FGGY: variants seen among roughly 807,000 people sequenced by gnomAD.
The protein encoded by FGGY is FGGY carbohydrate kinase domain-containing protein.
FGGY carries 72 observed loss-of-function variants against 71.3 expected under a neutral mutation model. That is an observed-to-expected ratio of 1.01 (90% CI 0.84 to 1.23). The LOEUF is 1.23. Among genes scored for constraint, FGGY ranks in the 50% most tolerant of loss-of-function variants. The pLI, the probability that FGGY is intolerant of heterozygous loss-of-function variation, is 0.00. For synonymous variants in FGGY, 251 were observed against 250.3 expected (o/e 1.00, Z -0.02); for missense variants, 668 against 682.3 (o/e 0.98, Z 0.23).
intron 5 of FGGY, among the ~76,000 whole-genome samples, chr1:59,452,902 A>G (rs1306966586): frequency 2.0e-5 from 3 of 152,314 alleles, no homozygotes; most frequent in Non-Finnish European, 4.4e-5. Flanking sequence ...GGGGGTGACT[A>G]GTAGGTACAG....
intron 7 of FGGY, among the ~76,000 whole-genome samples, chr1:59,516,052 C>T (rs1440947629): frequency 6.6e-6 from 1 of 151,794 alleles, no homozygotes; most frequent in Non-Finnish European, 1.5e-5. Context: ...TACAGACTTA[C>T]TTAATATATG....
chr1:59,625,960 A>C (rs773927051), intron 9 of FGGY, 28 bp from the exon 10 acceptor site: 19 of 1,568,152 alleles, frequency 1.2e-5, no homozygotes, highest in Non-Finnish European at 1.6e-5. Context: ...AGAAGCTATA[A>C]AATTGACCCA....
At position 59,615,739 on chromosome 1, in the gene FGGY, T is replaced by C. The variant is rs1265488824; in HGVS notation, c.1011+7829T>C. Among the ~76,000 whole-genome samples the C allele has an allele frequency of 6.7e-4, 102 of 152,140 alleles. 1 individual carries two copies. Among genetic ancestry groups the C allele is most frequent in the Non-Finnish European group, 1.2e-4 (8 of 67,982 alleles). The stretch of plus-strand genomic sequence containing the variant: ...ACAGAATGGGAGAAAATTTTTGCAA[T>C]CTACTCATCTGACAAAGGGCTAATA... On this transcript the variant is annotated intron_variant, in intron 9 of 15. Transcript: ENST00000303721.
intron 11 of FGGY, among the ~76,000 whole-genome samples, chr1:59,659,947 T>C (rs1429326799): frequency 2.0e-5 from 3 of 152,206 alleles, no homozygotes; most frequent in African/African-American, 7.2e-5. Context: ...TTAATTATCG[T>C]CTAAGAAATA....
intron 14 of FGGY, among the ~76,000 whole-genome samples, chr1:59,702,008 T>C (rs536942980): frequency 1.4e-4 from 22 of 152,288 alleles, no homozygotes; most frequent in African/African-American, 4.6e-4. Context: ...ACTGACTCAC[T>C]GTTCTGCATG....
intron 6 of FGGY, among the ~76,000 whole-genome samples, chr1:59,497,518 G>A (rs771671931): frequency 2.0e-5 from 3 of 152,152 alleles, no homozygotes; most frequent in Non-Finnish European, 4.4e-5. Context: ...AAGCCAGGAG[G>A]CAGAGGTTGC....
At chr1:59,585,339 A>C (rs1372937607) in intron 8 of FGGY, among the ~76,000 whole-genome samples, 1 of 152,222 alleles carries the variant, frequency 6.6e-6, no homozygotes, top group African/African-American at 2.4e-5. Flanking sequence ...CCAATGGAAC[A>C]GAACAGAGCC....
intron 11 of FGGY, among the ~76,000 whole-genome samples, chr1:59,653,716 C>T (rs1290234233): frequency 6.6e-6 from 1 of 152,230 alleles, no homozygotes; most frequent in African/African-American, 2.4e-5. Context: ...CCGTCTTCTG[C>T]GTTGCTCACG....
chr1:59,529,283 T>C (rs2095075190), intron 7 of FGGY, among the ~76,000 whole-genome samples: 1 of 152,212 alleles, frequency 6.6e-6, no homozygotes, highest in Admixed American at 6.5e-5. Flanking sequence ...AAAATACTAA[T>C]ATTTATTGAG....
At chr1:59,549,322 T>C (rs976311667) in intron 7 of FGGY, among the ~76,000 whole-genome samples, 1 of 152,184 alleles carries the variant, frequency 6.6e-6, no homozygotes, top group African/African-American at 2.4e-5. Flanking sequence ...CTCAAACAGA[T>C]GTAGTCTTAA....
chr1:59,378,806 T>C lies in FGGY; in HGVS notation c.523T>C (p.Leu175=), dbSNP rs1455009580. Reference sequence around the variant, plus strand: ...ACATTTCTTTGATCTCCCGGACTTCTTATCGTGGAAGGCAACAGGTGTCAC... The same window carrying C: ...ACATTTCTTTGATCTCCCGGACTTCCTATCGTGGAAGGCAACAGGTGTCAC... ...AGHFFDLPDF[L]SWKATGVTAR... Residue 175 remains leucine, a synonymous_variant, in exon 5 of 16, where the codon TTA becomes CTA. Coordinates refer to ENST00000303721, the MANE Select transcript of FGGY (RefSeq NM_018291.5). 6.2e-6 allele frequency: 10 copies of C among 1,613,448 alleles called. No homozygotes were observed. In the Admixed American group the frequency reaches 1.7e-4, roughly 27 times the overall value.
chr1:59,520,973 G>A (rs1485560714), intron 7 of FGGY, among the ~76,000 whole-genome samples: 1 of 142,442 alleles, frequency 7.0e-6, no homozygotes, highest in East Asian at 2.3e-4. Flanking sequence ...GCAGGAGGGA[G>A]CTTGTCCAAA....
At chr1:59,416,890 A>T (rs1384249612) in intron 5 of FGGY, among the ~76,000 whole-genome samples, 2 of 152,218 alleles carry the variant, frequency 1.3e-5, no homozygotes, top group Admixed American at 6.5e-5. Context: ...AAACAAGATT[A>T]TCATGGTTGG....
intron 6 of FGGY, among the ~76,000 whole-genome samples, chr1:59,493,096 A>AACACACAGACACACAC (rs2093922151): frequency 1.4e-5 from 2 of 143,118 alleles, no homozygotes; most frequent in South Asian, 4.6e-4. Flanking sequence ...TACCAAACAA[A>AACACACAGACACACAC]ACACACACAC....
chr1:59,403,247 C>A (rs189299136), intron 5 of FGGY, among the ~76,000 whole-genome samples: 1 of 152,042 alleles, frequency 6.6e-6, no homozygotes, highest in Admixed American at 6.6e-5. Context: ...TAAATCATAC[C>A]AGAGAAGGTA....
intron 4 of FGGY, among the ~76,000 whole-genome samples, chr1:59,352,545 AT>A (rs1297816911): frequency 5.3e-5 from 8 of 152,140 alleles, no homozygotes; most frequent in Non-Finnish European, 7.3e-5. Flanking sequence ...TGTCCTCCTG[AT>A]AACATACTGG....
At chr1:59,434,326 T>C (rs1490483028) in intron 5 of FGGY, among the ~76,000 whole-genome samples, 1 of 152,164 alleles carries the variant, frequency 6.6e-6, no homozygotes, top group Non-Finnish European at 1.5e-5. Flanking sequence ...ATTGTACCAG[T>C]GGGGGCTGGA....
intron 14 of FGGY, 61 bp downstream of exon 14, chr1:59,674,194 T>C: frequency 7.9e-7 from 1 of 1,259,866 alleles, no homozygotes; most frequent in Non-Finnish European, 1.1e-6. Flanking sequence ...TCCTTCCTCT[T>C]GACAGCAGCT....
At chr1:59,685,289 A>G (rs1230788512) in intron 14 of FGGY, among the ~76,000 whole-genome samples, 1 of 152,006 alleles carries the variant, frequency 6.6e-6, no homozygotes, top group Non-Finnish European at 1.5e-5. Context: ...TGACCCTTTG[A>G]CAGGTGGGGC....
Sources: gnomAD v4.1 joint callset for allele counts (sites outside exome capture counted in the v4.1 genomes callset) on GRCh38, gnomAD v4.1.1 for gene constraint, MANE v1.5 for transcripts, NCBI Gene and HGNC (gene_info 2026-07-23, HGNC 2026-07-21) for gene names.